Variants in NACC2 observed in about 807,000 individuals in gnomAD.
NACC2 encodes nucleus accumbens-associated protein 2.
Under a neutral mutation model 25.1 loss-of-function variants are expected in NACC2, and 8 were observed. The observed-to-expected ratio is 0.32, with a 90% confidence interval of 0.19 to 0.57. NACC2 has a LOEUF of 0.57. NACC2 is among the 20% of genes least tolerant of loss of function. The pLI, the probability that NACC2 is intolerant of heterozygous loss-of-function variation, is 0.89. For synonymous variants in NACC2, 435 were observed against 294.7 expected (o/e 1.48, Z -4.88); for missense variants, 644 against 650.2 (o/e 0.99, Z 0.10).
rs1716942791 is a variant in NACC2 at position 136,011,319 on chromosome 9, A to C, written c.*197T>G. 1 of 535,760 alleles carries C rather than the reference A, an allele frequency of 1.9e-6. No individual in the cohort carries two copies. The highest frequency in any genetic ancestry group is 4.4e-5 in the Admixed American group (1 of 22,560). The allele number at this position is 535,760 out of a possible 1,614,324, so 33.2% of individuals were successfully genotyped here. On this transcript the variant is annotated 3_prime_UTR_variant, in exon 6 of 6. Coordinates refer to ENST00000277554, the MANE Select transcript of NACC2 (RefSeq NM_144653.5). ...GGGAACTTCCTCGCAGGAGGCTGCC[A>C]GTGGCCTAATTGTTTACAGTATAAT...
Position 136,015,783 on chromosome 9 carries a change from A to G in NACC2, c.1051+482T>C, listed in dbSNP as rs192648864. On this transcript the variant is annotated intron_variant, in intron 3 of 5. Coordinates refer to ENST00000277554, the MANE Select transcript of NACC2 (RefSeq NM_144653.5). ...TTCTCCTTAACAGTTGTAAAAATCT[A>G]CAAGGAGCTATGACGCCAAAGGAAT... 3.9e-5 allele frequency among the ~76,000 whole-genome samples: 6 copies of G among 152,340 alleles called. No homozygotes were observed. The East Asian group carries it at 9.6e-4, about 24-fold the overall frequency.
In NACC2 at chr9:136,071,983, A is replaced by G. The variant is rs1401015146; in HGVS notation, c.-59-21403T>C. Among the ~76,000 whole-genome samples the G allele has an allele frequency of 3.9e-5, 6 of 152,292 alleles. No homozygotes were observed. The East Asian group carries it at 1.2e-3, about 29-fold the overall frequency. ...CCAGGCACGGTGGCTCGAGTCCGTA[A>G]TCCCAGCACTTCGGGAGGCCCAGGT... On this transcript the variant is annotated intron_variant, in intron 1 of 5. Transcript: ENST00000277554.
At chr9:136,073,270 A>G (rs1023216383) in intron 1 of NACC2, among the ~76,000 whole-genome samples, 2 of 152,062 alleles carry the variant, frequency 1.3e-5, no homozygotes, top group Non-Finnish European at 2.9e-5. Context: ...TGTACAAAAA[A>G]TAAAAATAAA....
chr9:136,080,572 C>A (rs1197281723), intron 1 of NACC2, among the ~76,000 whole-genome samples: 2 of 152,108 alleles, frequency 1.3e-5, no homozygotes, highest in South Asian at 4.2e-4. Context: ...TCCATCTCCC[C>A]ACTACCCTGC....
rs1830355408 is a variant in NACC2 at position 136,084,342 on chromosome 9, A to C, written c.-60+10847T>G. Among the ~76,000 whole-genome samples the C allele has an allele frequency of 6.6e-6, 1 of 152,032 alleles. No homozygotes were observed. The highest frequency in any genetic ancestry group is 1.5e-5 in the Non-Finnish European group (1 of 68,000). ...CCATGCACACCTGGGGCCTTCACCAAAGGCGGGTTGCTGGAGGGCTGCTTC... is the reference window on the plus strand; with the variant it reads ...CCATGCACACCTGGGGCCTTCACCACAGGCGGGTTGCTGGAGGGCTGCTTC... On this transcript the variant is annotated intron_variant, in intron 1 of 5. Coordinates refer to ENST00000277554, the MANE Select transcript of NACC2 (RefSeq NM_144653.5). The surrounding 1 kb of genome is among the most constrained non-coding windows in gnomAD (Gnocchi z 5.1).
chr9:136,056,659 G>T (rs1175262974), intron 1 of NACC2, among the ~76,000 whole-genome samples: 1 of 152,236 alleles, frequency 6.6e-6, no homozygotes, highest in Non-Finnish European at 1.5e-5. Flanking sequence ...AGGTACGGGG[G>T]GTCTCTGGGA....
rs184719009 is a variant in NACC2, at chr9:136,008,127, A to C, written c.*3389T>G. 6 of 152,378 alleles carry C rather than the reference A, an allele frequency of 3.9e-5. No individual in the cohort carries two copies. In the East Asian group the frequency reaches 5.8e-4, roughly 15 times the overall value. The allele number at this position is 152,378 out of a possible 1,614,324, so 9.4% of individuals were successfully genotyped here. A position where few individuals can be genotyped will look rare whatever the true frequency, so the allele number is the denominator to read the frequency against. On this transcript the variant is annotated 3_prime_UTR_variant, in exon 6 of 6. Coordinates refer to ENST00000277554, the MANE Select transcript of NACC2 (RefSeq NM_144653.5). ...TCCACATTCAGGGGCAAAGTACAAC[A>C]ACCAAATCCAATGCAAAGTTAAGTG...
At position 136,049,979 on chromosome 9, in the gene NACC2, C is replaced by T. The variant is rs1303355453; in HGVS notation, c.543G>A (p.Pro181=). The T allele has an allele frequency of 6.2e-6, 4 of 640,556 alleles. No homozygotes were observed. Among genetic ancestry groups the T allele is most frequent in the Non-Finnish European group, 8.4e-6 (3 of 358,586 alleles). 39.7% of individuals were successfully genotyped at this position (640,556 alleles called of 1,614,324 possible). A position where few individuals can be genotyped will look rare whatever the true frequency, so the allele number is the denominator to read the frequency against. The change falls in exon 2 of 6, where the codon CCG becomes CCA. Residue 181 remains proline, a synonymous_variant. Coordinates refer to ENST00000277554, the MANE Select transcript of NACC2 (RefSeq NM_144653.5). ...TGGGGGCCAGGCCTGGGCCGGCCGGCGGCAGCTCCATGGCTTCATGCTTTA... is the reference window on the plus strand; with the variant it reads ...TGGGGGCCAGGCCTGGGCCGGCCGGTGGCAGCTCCATGGCTTCATGCTTTA... The part of the protein sequence containing the change: ...TRVKHEAMEL[P]PAGPGLAPKR...
At chr9:136,075,620 C>G (rs1042450515) in intron 1 of NACC2, among the ~76,000 whole-genome samples, 1 of 152,218 alleles carries the variant, frequency 6.6e-6, no homozygotes, top group East Asian at 1.9e-4. Flanking sequence ...GCAGGTCCTG[C>G]GGGAGCAGAG....
chr9:136,029,321 G>A (rs1477873191), intron 2 of NACC2, among the ~76,000 whole-genome samples: 2 of 152,124 alleles, frequency 1.3e-5, no homozygotes, highest in Non-Finnish European at 2.9e-5. Context: ...AGATGTTGAG[G>A]AGACCTGCCT....
intron 1 of NACC2, among the ~76,000 whole-genome samples, chr9:136,079,867 C>G (rs1830302802): frequency 6.6e-6 from 1 of 152,236 alleles, no homozygotes; most frequent in South Asian, 2.1e-4. Flanking sequence ...GCCCCAGGGG[C>G]CAGGCCACAG....
chr9:136,075,112 G>A (rs1451610246), intron 1 of NACC2, among the ~76,000 whole-genome samples: 1 of 152,234 alleles, frequency 6.6e-6, no homozygotes, highest in Non-Finnish European at 1.5e-5. Context: ...CCTCAATGGC[G>A]GCTTCTGCTC....
At position 136,006,981 on chromosome 9, in the gene NACC2, GTC is replaced by G. The variant is rs1335620482; in HGVS notation, c.*4533_*4534del. 1 of 153,958 alleles carries G rather than the reference GTC, an allele frequency of 6.5e-6. No homozygotes were observed. Among genetic ancestry groups the G allele is most frequent in the Non-Finnish European group, 1.5e-5 (1 of 68,222 alleles). The allele number at this position is 153,958 out of a possible 1,614,324, so 9.5% of individuals were successfully genotyped here. On this transcript the variant is annotated 3_prime_UTR_variant, in exon 6 of 6. Coordinates refer to ENST00000277554, the MANE Select transcript of NACC2 (RefSeq NM_144653.5). The stretch of plus-strand genomic sequence containing the variant: ...TAAAACAACCGTCTCCTTTTTAAAA[GTC>G]TCTTTTTTCCAAACATTCCATCCGA...
intron 1 of NACC2, among the ~76,000 whole-genome samples, 183 bp from the exon 2 acceptor site, chr9:136,050,763 CT>C (rs1275655748): frequency 6.6e-6 from 1 of 152,152 alleles, no homozygotes; most frequent in East Asian, 1.9e-4. Context: ...CCCAGACCCC[CT>C]GGCAGACGGG....
rs1483986743 is a variant in NACC2 at position 136,086,138 on chromosome 9, C to A, written c.-60+9051G>T. 6.6e-6 allele frequency among the ~76,000 whole-genome samples: 1 copy of A among 152,224 alleles called. No homozygotes were observed. Among genetic ancestry groups the A allele is most frequent in the Non-Finnish European group, 1.5e-5 (1 of 68,032 alleles). On this transcript the variant is annotated intron_variant, in intron 1 of 5. Coordinates refer to ENST00000277554, the MANE Select transcript of NACC2 (RefSeq NM_144653.5). The surrounding 1 kb of genome is among the most constrained non-coding windows in gnomAD (Gnocchi z 5.6). ...AGAAAACCAAGTCACCCCTGGGGAC[C>A]CTTGTTGGACATTCTAAAAACCTTC...
intron 1 of NACC2, among the ~76,000 whole-genome samples, chr9:136,090,456 G>A (rs983073689): frequency 1.3e-5 from 2 of 152,236 alleles, no homozygotes; most frequent in African/African-American, 4.8e-5. Context: ...CCCCAGGACA[G>A]TAGGGGTGGG....
intron 1 of NACC2, among the ~76,000 whole-genome samples, chr9:136,068,497 C>T (rs1358085032): frequency 3.3e-5 from 3 of 90,476 alleles, no homozygotes; most frequent in African/African-American, 1.2e-4. Flanking sequence ...GAAACTCCGT[C>T]TCAAAAAAAA....
chr9:136,037,022 G>T (rs1007006012), intron 2 of NACC2, among the ~76,000 whole-genome samples: 10 of 152,252 alleles, frequency 6.6e-5, no homozygotes, highest in African/African-American at 2.4e-4. Flanking sequence ...CATAGATAAG[G>T]ATGACTGTGA....
intron 1 of NACC2, among the ~76,000 whole-genome samples, chr9:136,091,980 C>T (rs1173236967): frequency 6.6e-6 from 1 of 152,236 alleles, no homozygotes; most frequent in African/African-American, 2.4e-5. Context: ...CCCAAACAAC[C>T]TTCCAGTCAC....
Sources: allele counts gnomAD v4.1 joint callset (sites outside exome capture counted in the v4.1 genomes callset), GRCh38; gene constraint gnomAD v4.1.1; non-coding constraint Gnocchi (gnomAD v3.1); transcripts MANE v1.5; gene names NCBI Gene and HGNC (gene_info 2026-07-23, HGNC 2026-07-21).